Variants in DAAM1 observed in about 807,000 individuals in gnomAD.
The protein encoded by DAAM1 is disheveled-associated activator of morphogenesis 1.
Under a neutral mutation model 130.0 loss-of-function variants are expected in DAAM1, and 52 were observed. The observed-to-expected ratio is 0.40, with a 90% CI of 0.32 to 0.50. The LOEUF (loss-of-function observed/expected upper bound fraction) is 0.50. Ranked by LOEUF, DAAM1 falls within the 20% of genes least tolerant of loss-of-function variation. DAAM1 has a pLI of 0.61. For synonymous variants in DAAM1, 452 were observed against 444.5 expected (o/e 1.02, Z -0.21); for missense variants, 1,134 against 1,303.8 (o/e 0.87, Z 2.01).
chr14:59,241,173 A>G (rs544018380), intron 1 of DAAM1, among the ~76,000 whole-genome samples: 3 of 152,240 alleles, frequency 2.0e-5, no homozygotes, highest in Non-Finnish European at 4.4e-5. Context: ...TTTTGTATGT[A>G]TGTAGAGGAA....
intron 1 of DAAM1, among the ~76,000 whole-genome samples, chr14:59,256,274 G>A (rs1392206717): frequency 6.6e-6 from 1 of 152,198 alleles, no homozygotes; most frequent in Non-Finnish European, 1.5e-5. Context: ...CTTGTGGACT[G>A]TAGGTTGTTC....
intron 3 of DAAM1, among the ~76,000 whole-genome samples, chr14:59,310,640 ATTC>A (rs1455138513): frequency 5.9e-5 from 9 of 152,258 alleles, no homozygotes; most frequent in South Asian, 2.1e-4. Context: ...CTGAAACAGT[ATTC>A]TTCTGCTGTT....
At chr14:59,315,204 T>G in intron 3 of DAAM1, 76 bp from the exon 4 acceptor site, 1 of 1,309,444 alleles carries the variant, frequency 7.6e-7, no homozygotes, top group Non-Finnish European at 1.1e-6. Flanking sequence ...GTCTGGGTGC[T>G]CTGGAAGTCG....
intron 1 of DAAM1, among the ~76,000 whole-genome samples, chr14:59,242,177 T>C (rs1473172670): frequency 6.6e-6 from 1 of 152,204 alleles, no homozygotes; most frequent in Non-Finnish European, 1.5e-5. Context: ...AGACTAGTAA[T>C]ATTTTTTTCC....
rs547049468 is a variant in DAAM1, at chr14:59,274,312, A to G, written c.183+10652A>G. Among the ~76,000 whole-genome samples, 10 of 152,328 alleles carry G rather than the reference A, an allele frequency of 6.6e-5. No homozygotes were observed. The East Asian group carries it at 1.3e-3, about 21-fold the overall frequency. The stretch of plus-strand genomic sequence containing the variant: ...ATATATATGACATGTATATATATTT[A>G]TGTTATGTATATATAACATAAATAT... On this transcript the variant is annotated intron_variant, in intron 2 of 24. Transcript: ENST00000360909.
At chr14:59,330,796 G>C (rs960628600) in intron 13 of DAAM1, 108 bp downstream of exon 13, 1 of 1,148,324 alleles carries the variant, frequency 8.7e-7, no homozygotes, top group Admixed American at 3.1e-5. Context: ...ATCTGAAATG[G>C]CTCATGATTC....
In DAAM1 at chr14:59,369,514, T is replaced by G. The variant is rs1157743678; in HGVS notation, c.*655T>G. On this transcript the variant is annotated 3_prime_UTR_variant, in exon 25 of 25. Transcript: ENST00000360909. Reference sequence around the variant, plus strand: ...GAATGTCAATCAAGTTTTTGTATATTTAAAAGTTGGACATCAATTTTTTCC... The same window carrying G: ...GAATGTCAATCAAGTTTTTGTATATGTAAAAGTTGGACATCAATTTTTTCC... 3.3e-5 allele frequency: 5 copies of G among 152,514 alleles called. No homozygotes were observed. The highest frequency in any genetic ancestry group is 7.4e-5 in the Non-Finnish European group (5 of 67,994). The allele number at this position is 152,514 out of a possible 1,614,324, so 9.4% of individuals were successfully genotyped here.
At chr14:59,251,867 A>G (rs1450497187) in intron 1 of DAAM1, among the ~76,000 whole-genome samples, 2 of 152,008 alleles carry the variant, frequency 1.3e-5, no homozygotes, top group Non-Finnish European at 2.9e-5. Flanking sequence ...TGATTCTGTC[A>G]TTGTTTCTGG....
chr14:59,229,975 T>TAA (rs1481968157), intron 1 of DAAM1, among the ~76,000 whole-genome samples: 6 of 152,212 alleles, frequency 3.9e-5, no homozygotes, highest in Admixed American at 6.5e-5. Flanking sequence ...GTGATAAGGG[T>TAA]AAATAAATTT....
At chr14:59,289,784 A>ATATATATATATATATATATATATATAT in intron 2 of DAAM1, among the ~76,000 whole-genome samples, 59 of 128,654 alleles carry the variant, frequency 4.6e-4, no homozygotes, top group South Asian at 7.3e-4. Context: ...ATATATATAT[A>ATATATATATATATATATATATATATAT]ATGGAATGCT....
chr14:59,262,346 T>C (rs1882204002), intron 1 of DAAM1, among the ~76,000 whole-genome samples: 1 of 152,170 alleles, frequency 6.6e-6, no homozygotes, highest in Admixed American at 6.5e-5. Context: ...GTTTTTTCAA[T>C]AGACAGTATC....
At chr14:59,341,033 G>C (rs1885822488) in intron 16 of DAAM1, among the ~76,000 whole-genome samples, 1 of 152,172 alleles carries the variant, frequency 6.6e-6, no homozygotes, top group Non-Finnish European at 1.5e-5. Flanking sequence ...AGGGAAAGTA[G>C]TAGTCCTTAT....
rs779396128 is a variant in DAAM1, at chr14:59,263,508, A to G, written c.31A>G (p.Ile11Val). MAPRKRGGRG[I>V]SFIFCCFRNN... Reference sequence around the variant, plus strand: ...CCCAAGAAAGAGAGGTGGACGAGGTATTTCATTCATCTTTTGCTGTTTCCG... The same window carrying G: ...CCCAAGAAAGAGAGGTGGACGAGGTGTTTCATTCATCTTTTGCTGTTTCCG... The change falls in exon 2 of 25, where the codon ATT (isoleucine) becomes GTT (valine). Residue 11 changes from isoleucine (I) to valine (V), a missense_variant. Around this residue, in one of 3 missense-constraint regions of DAAM1, gnomAD observed 99 missense variants for 86.4 expected, o/e 1.15. Coordinates refer to ENST00000360909, the MANE Select transcript of DAAM1 (RefSeq NM_001270520.2). 6.2e-6 allele frequency: 10 copies of G among 1,614,228 alleles called. No individual in the cohort carries two copies. The South Asian group carries it at 1.1e-4, about 18-fold the overall frequency.
chr14:59,363,844 T>A, intron 23 of DAAM1, 62 bp downstream of exon 23: 1 of 1,600,418 alleles, frequency 6.2e-7, no homozygotes, highest in Non-Finnish European at 8.5e-7. Flanking sequence ...TGTGATACTT[T>A]CAGTTATTAT....
intron 5 of DAAM1, 127 bp from the exon 6 acceptor site, chr14:59,322,765 C>G: frequency 1.4e-6 from 1 of 725,378 alleles, no homozygotes; most frequent in Non-Finnish European, 2.3e-6. Flanking sequence ...AAAAAGACTT[C>G]ATCAATGTAA....
chr14:59,360,905 C>G, intron 22 of DAAM1, 43 bp downstream of exon 22: 1 of 1,584,682 alleles, frequency 6.3e-7, no homozygotes, highest in Admixed American at 1.7e-5. Flanking sequence ...GGTCTCTTCA[C>G]TATCTCTAGT....
At chr14:59,336,703 A>G (rs980715346) in intron 15 of DAAM1, among the ~76,000 whole-genome samples, 1 of 152,216 alleles carries the variant, frequency 6.6e-6, no homozygotes, top group Non-Finnish European at 1.5e-5. Context: ...TGGTGGTCAC[A>G]AATTGGAGAT....
chr14:59,256,107 T>A (rs1035567456), intron 1 of DAAM1, among the ~76,000 whole-genome samples: 1 of 152,236 alleles, frequency 6.6e-6, no homozygotes, highest in African/African-American at 2.4e-5. Flanking sequence ...ATTAAAATAG[T>A]CTGCATATCA....
chr14:59,293,876 G>C (rs1379246044), intron 3 of DAAM1, among the ~76,000 whole-genome samples: 1 of 152,136 alleles, frequency 6.6e-6, no homozygotes, highest in African/African-American at 2.4e-5. Flanking sequence ...TGAAGGACAG[G>C]TTGCCCATTC....
Sources: allele counts gnomAD v4.1 joint callset (sites outside exome capture counted in the v4.1 genomes callset), GRCh38; gene constraint gnomAD v4.1.1; regional missense constraint gnomAD v4.1.1; transcripts MANE v1.5; gene names NCBI Gene and HGNC (gene_info 2026-07-23, HGNC 2026-07-21).